Variants in NEUROG1 observed in about 807,000 individuals in gnomAD.
NEUROG1 encodes neurogenin 1.
Under a neutral mutation model 5.7 loss-of-function variants are expected in NEUROG1, and 5 were observed. The ratio of observed to expected loss-of-function variants is 0.88; its 90% CI spans 0.46 to 1.85. The LOEUF (loss-of-function observed/expected upper bound fraction) is 1.85, where lower values mean the gene tolerates loss of function less well. Among genes scored for constraint, NEUROG1 ranks in the 40% most tolerant of loss-of-function variants. NEUROG1 has a pLI of 0.01. For synonymous variants in NEUROG1, 196 were observed against 157.4 expected, an observed-to-expected ratio of 1.25 and a Z score of -1.84; for missense variants, 403 against 345.7, an observed-to-expected ratio of 1.17 and a Z score of -1.32.
rs1750529959 is a variant in NEUROG1, at chr5:135,535,703, C to T, written c.-13G>A. Reference sequence around the variant, plus strand: ...GGCGGGCTGGCATCGTTGCGCTGTGCAGGACCGACGGACAGATAGAAAGGC... The same window carrying T: ...GGCGGGCTGGCATCGTTGCGCTGTGTAGGACCGACGGACAGATAGAAAGGC... On this transcript the variant is annotated 5_prime_UTR_variant, in exon 1 of 1. Coordinates refer to ENST00000314744, the MANE Select transcript of NEUROG1 (RefSeq NM_006161.3). 1.4e-5 allele frequency: 21 copies of T among 1,517,638 alleles called. No individual in the cohort carries two copies. The highest frequency in any genetic ancestry group is 1.7e-5 in the Non-Finnish European group (19 of 1,137,702). The allele number at this position is 1,517,638 out of a possible 1,614,324, so 94.0% of individuals were successfully genotyped here.
Position 135,535,543 on chromosome 5 carries a change from T to A in NEUROG1, c.148A>T (p.Arg50Trp). 6.4e-7 allele frequency: 1 copy of A among 1,572,482 alleles called. No homozygotes were observed. The highest frequency in any genetic ancestry group is 8.6e-7 in the Non-Finnish European group (1 of 1,166,240). ...GCCCGGGAGATATTGGGCGCGCCCC[T>A]GCGGGCCGGCGCGGGCGGCCCCGAA... is the stretch of plus-strand genomic sequence containing the variant. ...SASGPPAPAR[R>W]GAPNISRASE... is the part of the protein sequence containing the mutation. Residue 50 changes from arginine to tryptophan, a missense_variant, in exon 1 of 1, where the codon AGG becomes TGG. Coordinates refer to ENST00000314744, the MANE Select transcript of NEUROG1 (RefSeq NM_006161.3).
rs1420070139 is a variant in NEUROG1, at chr5:135,535,756, G to A, written c.-66C>T. ...TCAGAGCGCTGCAGCCCGGACTGAG[G>A]GCAGAGCCGCCAGGGCGCACTTACG... On this transcript the variant is annotated 5_prime_UTR_variant, in exon 1 of 1. Transcript: ENST00000314744. 3 of 1,396,262 alleles carry A rather than the reference G, an allele frequency of 2.1e-6. No homozygotes were observed. The highest frequency in any genetic ancestry group is 1.9e-6 in the Non-Finnish European group (2 of 1,049,190). 86.5% of individuals were successfully genotyped at this position (1,396,262 alleles called of 1,614,324 possible).
rs987950885 is a variant in NEUROG1 at position 135,534,921 on chromosome 5, C to T, written c.*56G>A. On this transcript the variant is annotated 3_prime_UTR_variant, in exon 1 of 1. Transcript: ENST00000314744. Reference sequence around the variant, plus strand: ...GGGGTCCCGAGGCGGCAGCTGGGGCCCCATCTATTGCCTGCTGACTAGGGG... The same window carrying T: ...GGGGTCCCGAGGCGGCAGCTGGGGCTCCATCTATTGCCTGCTGACTAGGGG... The T allele has an allele frequency of 1.5e-5, 23 of 1,553,842 alleles. No individual in the cohort carries two copies. The highest frequency in any genetic ancestry group is 2.4e-5 in the South Asian group (2 of 82,620).
chr5:135,535,224 G>A lies in NEUROG1; in HGVS notation c.467C>T (p.Pro156Leu). ...GAGGCGCTCCCGGGCACCGCCTCCG[G>A]GCAGCCCTTGATCCGCCAGGCGCAG... ...ETLRLADQGL[P>L]GGGARERLLP... Residue 156 changes from proline to leucine, a missense_variant, in exon 1 of 1, where the codon CCC becomes CTC. By Grantham distance (98) the Pro-to-Leu change is moderately conservative. Transcript: ENST00000314744. 1 of 1,612,546 alleles carries A rather than the reference G, an allele frequency of 6.2e-7. No individual in the cohort carries two copies. Among genetic ancestry groups the A allele is most frequent in the Non-Finnish European group, 8.5e-7 (1 of 1,179,462 alleles).
chr5:135,535,419 C>G lies in NEUROG1; in HGVS notation c.272G>C (p.Arg91Thr), dbSNP rs1315388634. ...RSEALLHSLRRSRRVKANDRE... is the reference protein window; with the variant it reads ...RSEALLHSLRTSRRVKANDRE... ...ATCGTTGGCCTTGACGCGCCGGCTC[C>G]TGCGCAGCGAGTGCAGCAGCGCCTC... Residue 91 changes from arginine to threonine, a missense_variant, in exon 1 of 1, where the codon AGG becomes ACG. Physicochemically the swap from Arg to Thr is moderately conservative, Grantham distance 71. Transcript: ENST00000314744. 6.3e-7 allele frequency: 1 copy of G among 1,598,868 alleles called. No homozygotes were observed. Among genetic ancestry groups the G allele is most frequent in the Non-Finnish European group, 8.5e-7 (1 of 1,173,436 alleles).
Position 135,534,771 on chromosome 5 carries a change from G to A in NEUROG1, c.*206C>T. On this transcript the variant is annotated 3_prime_UTR_variant, in exon 1 of 1. Transcript: ENST00000314744. ...GGCCGTCTAGGGGCGGGCAGGAGGG[G>A]CGCTGGGCTGAGGGCCGGAGAAACA... 1.7e-6 allele frequency: 1 copy of A among 583,860 alleles called. No homozygotes were observed. The highest frequency in any genetic ancestry group is 3.0e-6 in the Non-Finnish European group (1 of 336,092). 36.2% of individuals were successfully genotyped at this position (583,860 alleles called of 1,614,324 possible).
chr5:135,535,536 G>T lies in NEUROG1; in HGVS notation c.155C>A (p.Ala52Glu). Residue 52 changes from alanine (A) to glutamate (E), a missense_variant, in exon 1 of 1, where the codon GCG becomes GAG. Physicochemically the swap from Ala to Glu is moderately radical, Grantham distance 107 (BLOSUM62 -1). Transcript: ENST00000314744. ...SGPPAPARRGAPNISRASEVP... is the reference protein window; with the variant it reads ...SGPPAPARRGEPNISRASEVP... The stretch of plus-strand genomic sequence containing the variant: ...CTCAGACGCCCGGGAGATATTGGGC[G>T]CGCCCCTGCGGGCCGGCGCGGGCGG... 1 of 1,571,740 alleles carries T rather than the reference G, an allele frequency of 6.4e-7. No individual in the cohort carries two copies. Among genetic ancestry groups the T allele is most frequent in the Middle Eastern group, 1.7e-4 (1 of 5,980 alleles).
In NEUROG1 at chr5:135,535,054, C is replaced by T. The variant is rs140673792; in HGVS notation, c.637G>A (p.Gly213Ser). 1.4e-5 allele frequency: 23 copies of T among 1,613,832 alleles called. No homozygotes were observed. Among genetic ancestry groups the T allele is most frequent in the South Asian group, 2.2e-5 (2 of 91,074 alleles). The change falls in exon 1 of 1, where the codon GGC becomes AGC. Residue 213 changes from glycine (G) to serine (S), a missense_variant. By Grantham distance (56) the Gly-to-Ser change is moderately conservative (BLOSUM62 0). Transcript: ENST00000314744. Reference sequence around the variant, plus strand: ...CTTGGGAAGGAGAAAACAGGGTCGCCGGGGCGGTAGGTGAAGTCTTCGGAG... The same window carrying T: ...CTTGGGAAGGAGAAAACAGGGTCGCTGGGGCGGTAGGTGAAGTCTTCGGAG... ...AASEDFTYRP[G>S]DPVFSFPSLP...
In NEUROG1 at chr5:135,535,212, G is replaced by C. The variant is rs760081505; in HGVS notation, c.479C>G (p.Ala160Gly). ...LADQGLPGGGARERLLPPQCV... is the reference protein window; with the variant it reads ...LADQGLPGGGGRERLLPPQCV... ...CTGCGGCGGCAGGAGGCGCTCCCGG[G>C]CACCGCCTCCGGGCAGCCCTTGATC... Residue 160 changes from alanine (A) to glycine (G), a missense_variant, in exon 1 of 1, where the codon GCC (alanine) becomes GGC (glycine). Physicochemically the swap from Ala to Gly is moderately conservative, Grantham distance 60 (BLOSUM62 0). Coordinates refer to ENST00000314744, the MANE Select transcript of NEUROG1 (RefSeq NM_006161.3). 2.7e-5 allele frequency: 44 copies of C among 1,611,436 alleles called. No individual in the cohort carries two copies. The highest frequency in any genetic ancestry group is 3.4e-5 in the Non-Finnish European group (40 of 1,179,096).
chr5:135,535,335 A>G lies in NEUROG1; in HGVS notation c.356T>C (p.Leu119Pro), dbSNP rs930063493. The G allele has an allele frequency of 1.2e-6, 2 of 1,613,394 alleles. No individual in the cohort carries two copies. The highest frequency in any genetic ancestry group is 2.7e-5 in the African/African-American group (2 of 74,910). The stretch of plus-strand genomic sequence containing the variant: ...CTTGGTGTCGTCGGGGAACGAGGGC[A>G]GCACGCTGCGCAGTGCGTCCAGGGC... ...NAALDALRSV[L>P]PSFPDDTKLT... is the part of the protein sequence containing the mutation. Residue 119 changes from leucine (L) to proline (P), a missense_variant, in exon 1 of 1, where the codon CTG becomes CCG. By Grantham distance (98) the Leu-to-Pro change is moderately conservative (BLOSUM62 -3). Coordinates refer to ENST00000314744, the MANE Select transcript of NEUROG1 (RefSeq NM_006161.3).
At position 135,534,843 on chromosome 5, in the gene NEUROG1, T is replaced by G; in HGVS notation, c.*134A>C. 1 of 860,344 alleles carries G rather than the reference T, an allele frequency of 1.2e-6. No individual in the cohort carries two copies. The highest frequency in any genetic ancestry group is 1.8e-6 in the Non-Finnish European group (1 of 569,252). 53.3% of individuals were successfully genotyped at this position (860,344 alleles called of 1,614,324 possible). Reference sequence around the variant, plus strand: ...AGGGTGCGGCGACCTAACAAGCGGCTCAGGTATCCCCGACTGCTTTAAAGC... The same window carrying G: ...AGGGTGCGGCGACCTAACAAGCGGCGCAGGTATCCCCGACTGCTTTAAAGC... On this transcript the variant is annotated 3_prime_UTR_variant, in exon 1 of 1. Coordinates refer to ENST00000314744, the MANE Select transcript of NEUROG1 (RefSeq NM_006161.3).
rs1750510899 is a variant in NEUROG1, at chr5:135,535,240, C to T, written c.451G>A (p.Ala151Thr). The change falls in exon 1 of 1, where the codon GCG becomes ACG. Residue 151 changes from alanine (A) to threonine (T), a missense_variant. Coordinates refer to ENST00000314744, the MANE Select transcript of NEUROG1 (RefSeq NM_006161.3). ...CCGCCTCCGGGCAGCCCTTGATCCG[C>T]CAGGCGCAGTGTCTCGGCCAGAGCC... ...IWALAETLRL[A>T]DQGLPGGGAR... 4 of 1,613,168 alleles carry T rather than the reference C, an allele frequency of 2.5e-6. No homozygotes were observed. Among genetic ancestry groups the T allele is most frequent in the Non-Finnish European group, 3.4e-6 (4 of 1,179,622 alleles).
In NEUROG1 at chr5:135,535,549, CCGGCGCGGG is replaced by C; in HGVS notation, c.133_141del (p.Pro45_Pro47del). 1.3e-6 allele frequency: 2 copies of C among 1,571,258 alleles called. No homozygotes were observed. The highest frequency in any genetic ancestry group is 1.7e-6 in the Non-Finnish European group (2 of 1,165,716). ...GAGATATTGGGCGCGCCCCTGCGGG[CCGGCGCGGG>C]CGGCCCCGAAGCGGAGGCTGCCTGT... On this transcript the variant is annotated inframe_deletion, in exon 1 of 1. Coordinates refer to ENST00000314744, the MANE Select transcript of NEUROG1 (RefSeq NM_006161.3).
chr5:135,535,086 G>A lies in NEUROG1; in HGVS notation c.605C>T (p.Pro202Leu), dbSNP rs1230141106. 6.2e-7 allele frequency: 1 copy of A among 1,613,328 alleles called. No individual in the cohort carries two copies. Among genetic ancestry groups the A allele is most frequent in the African/African-American group, 1.3e-5 (1 of 74,976 alleles). Residue 202 changes from proline to leucine, a missense_variant, in exon 1 of 1, where the codon CCA becomes CTA. Pro to Leu is a moderately conservative substitution (Grantham distance 98). Transcript: ENST00000314744. ...AASPLSDPSS[P>L]AASEDFTYRP... is the part of the protein sequence containing the mutation. Reference sequence around the variant, plus strand: ...GTAGGTGAAGTCTTCGGAGGCGGCTGGGCTACTGGGGTCAGAGAGCGGGGA... The same window carrying A: ...GTAGGTGAAGTCTTCGGAGGCGGCTAGGCTACTGGGGTCAGAGAGCGGGGA...
Position 135,535,824 on chromosome 5 carries a change from G to A in NEUROG1, c.-134C>T, listed in dbSNP as rs1035741130. ...TTGTTACTCTGTGCCAGTTGCGGGT[G>A]CGAGAGCCTGGAAGGGTGCAGGGGC... On this transcript the variant is annotated 5_prime_UTR_variant, in exon 1 of 1. Transcript: ENST00000314744. 2.3e-6 allele frequency: 2 copies of A among 855,404 alleles called. No homozygotes were observed. Among genetic ancestry groups the A allele is most frequent in the African/African-American group, 3.6e-5 (2 of 55,466 alleles). The allele number at this position is 855,404 out of a possible 1,614,324, so 53.0% of individuals were successfully genotyped here.
chr5:135,534,799 C>G lies in NEUROG1; in HGVS notation c.*178G>C. On this transcript the variant is annotated 3_prime_UTR_variant, in exon 1 of 1. Transcript: ENST00000314744. ...CTGGGCTGAGGGCCGGAGAAACAGA[C>G]CAAGAGACATCCGCCGCGAGGGTGC... 1.5e-6 allele frequency: 1 copy of G among 645,858 alleles called. No homozygotes were observed. The highest frequency in any genetic ancestry group is 2.6e-6 in the Non-Finnish European group (1 of 380,788). The allele number at this position is 645,858 out of a possible 1,614,324, so 40.0% of individuals were successfully genotyped here.
rs1383781274 is a variant in NEUROG1, at chr5:135,534,922, C to G, written c.*55G>C. ...GGGTCCCGAGGCGGCAGCTGGGGCC[C>G]CATCTATTGCCTGCTGACTAGGGGA... On this transcript the variant is annotated 3_prime_UTR_variant, in exon 1 of 1. Transcript: ENST00000314744. 17 of 1,555,620 alleles carry G rather than the reference C, an allele frequency of 1.1e-5. No individual in the cohort carries two copies. Among genetic ancestry groups the G allele is most frequent in the African/African-American group, 9.8e-5 (7 of 71,310 alleles).
Position 135,534,898 on chromosome 5 carries a change from G to A in NEUROG1, c.*79C>T. ...GCTTCCTCCCTCCGCCTGGAGAGGG[G>A]GTCCCGAGGCGGCAGCTGGGGCCCC... On this transcript the variant is annotated 3_prime_UTR_variant, in exon 1 of 1. Transcript: ENST00000314744. 1 of 1,412,538 alleles carries A rather than the reference G, an allele frequency of 7.1e-7. No homozygotes were observed. The highest frequency in any genetic ancestry group is 9.6e-7 in the Non-Finnish European group (1 of 1,038,168). 87.5% of individuals were successfully genotyped at this position (1,412,538 alleles called of 1,614,324 possible).
rs1418673961 is a variant in NEUROG1 at position 135,535,911 on chromosome 5, T to TA, written c.-222_-221insT. The TA allele has an allele frequency of 2.1e-6, 1 of 465,190 alleles. No homozygotes were observed. Among genetic ancestry groups the TA allele is most frequent in the Non-Finnish European group, 3.8e-6 (1 of 263,924 alleles). 28.8% of individuals were successfully genotyped at this position (465,190 alleles called of 1,614,324 possible). A position where few individuals can be genotyped will look rare whatever the true frequency, so the allele number is the denominator to read the frequency against. ...GCAGGGGCCACGCGCCCGGCCGGTC[T>TA]CCTGAGTGATGTCGCCGGCGATCAG... On this transcript the variant is annotated 5_prime_UTR_variant, in exon 1 of 1. Coordinates refer to ENST00000314744, the MANE Select transcript of NEUROG1 (RefSeq NM_006161.3).
Sources: gnomAD v4.1 joint callset for allele counts on GRCh38, gnomAD v4.1.1 for gene constraint, MANE v1.5 for transcripts, NCBI Gene and HGNC (gene_info 2026-07-23, HGNC 2026-07-21) for gene names.